CSNK1G2: variants seen among roughly 807,000 people sequenced by gnomAD.
CSNK1G2 encodes the protein casein kinase 1 gamma 2.
Under a neutral mutation model 48.0 loss-of-function variants are expected in CSNK1G2, and 11 were observed. The ratio of observed to expected loss-of-function variants is 0.23; its 90% CI spans 0.14 to 0.38. CSNK1G2 has a LOEUF of 0.38. Among genes scored for constraint, CSNK1G2 ranks in the 10% least tolerant of loss-of-function variants. The probability of loss-of-function intolerance (pLI) is 1.00; values close to 1 mark genes in which losing one functional copy is unlikely to be tolerated. For synonymous variants in CSNK1G2, 337 were observed against 254.1 expected, an observed-to-expected ratio of 1.33 and a Z score of -3.10; for missense variants, 446 against 595.5, an observed-to-expected ratio of 0.75 and a Z score of 2.61.
At chr19:1,951,770 T>C (rs1383467451) in intron 1 of CSNK1G2, among the ~76,000 whole-genome samples, 2 of 146,156 alleles carry the variant, frequency 1.4e-5, no homozygotes, top group Non-Finnish European at 3.0e-5. Flanking sequence ...ACGCTCCGCC[T>C]CCCGGGTTCA....
intron 1 of CSNK1G2, among the ~76,000 whole-genome samples, chr19:1,949,904 T>G (rs1342905247): frequency 1.3e-5 from 2 of 152,212 alleles, no homozygotes; most frequent in Non-Finnish European, 1.5e-5. Flanking sequence ...GTGTCCCCAC[T>G]GCCTTGTCAG....
intron 2 of CSNK1G2, among the ~76,000 whole-genome samples, chr19:1,976,781 C>G (rs1343419321): frequency 6.6e-6 from 1 of 151,806 alleles, no homozygotes; most frequent in Non-Finnish European, 1.5e-5. Context: ...CTCTTGTTGC[C>G]CAGGCTGGAG....
chr19:1,944,444 C>T (rs1047783134), intron 1 of CSNK1G2, among the ~76,000 whole-genome samples: 1 of 152,142 alleles, frequency 6.6e-6, no homozygotes, highest in Non-Finnish European at 1.5e-5. Flanking sequence ...GCCTACCTGG[C>T]CTGCTTGGGT....
At position 1,978,942 on chromosome 19, in the gene CSNK1G2, G is replaced by T. The variant is rs753651278; in HGVS notation, c.531G>T (p.Gly177=). Residue 177 remains glycine (G), a synonymous_variant, in exon 6 of 12, where the codon GGG becomes GGT. Coordinates refer to ENST00000255641, the MANE Select transcript of CSNK1G2 (RefSeq NM_001319.7). This position sits in a 1 kb window ranked among gnomAD's most constrained non-coding sequence, Gnocchi z 7.3. ...AGAACTTCCTGGTGGGCCGCCCGGG[G>T]ACCAAGCGGCAGCATGCCATCCACA... is the stretch of plus-strand genomic sequence containing the variant. The part of the protein sequence containing the change: ...KPENFLVGRP[G]TKRQHAIHII... 1 of 1,601,660 alleles carries T rather than the reference G, an allele frequency of 6.2e-7. No homozygotes were observed. Among genetic ancestry groups the T allele is most frequent in the Non-Finnish European group, 8.5e-7 (1 of 1,179,634 alleles).
intron 1 of CSNK1G2, among the ~76,000 whole-genome samples, chr19:1,947,724 G>A (rs574349083): frequency 4.6e-5 from 7 of 152,350 alleles, no homozygotes; most frequent in African/African-American, 7.2e-5. Context: ...CAGGGCTTGC[G>A]ACCGCAGGGG....
chr19:1,979,449 C>G (rs1568207050), intron 8 of CSNK1G2, 46 bp downstream of exon 8: 2 of 702,894 alleles, frequency 2.8e-6, no homozygotes, highest in African/African-American at 1.8e-5. Context: ...ACCCCCCACC[C>G]CCCACCCCCA....
In CSNK1G2 at chr19:1,957,832, G is replaced by A. The variant is rs1190579771; in HGVS notation, c.-265-11676G>A. Among the ~76,000 whole-genome samples, 1 of 151,920 alleles carries A rather than the reference G, an allele frequency of 6.6e-6. No homozygotes were observed. The highest frequency in any genetic ancestry group is 1.5e-5 in the Non-Finnish European group (1 of 67,942). On this transcript the variant is annotated intron_variant, in intron 1 of 11. Coordinates refer to ENST00000255641, the MANE Select transcript of CSNK1G2 (RefSeq NM_001319.7). This position sits in a 1 kb window ranked among gnomAD's most constrained non-coding sequence, Gnocchi z 5.4. The stretch of plus-strand genomic sequence containing the variant: ...CGGCGGGCGCCGTGTTTGTGGGGTG[G>A]GAGCTAGGCGGGCGCCGTTTATGTG...
At position 1,978,812 on chromosome 19, in the gene CSNK1G2, C is replaced by G; in HGVS notation, c.448-47C>G. On this transcript the variant is annotated intron_variant, in intron 5 of 11. Coordinates refer to ENST00000255641, the MANE Select transcript of CSNK1G2 (RefSeq NM_001319.7). This position sits in a 1 kb window ranked among gnomAD's most constrained non-coding sequence, Gnocchi z 7.3. Reference sequence around the variant, plus strand: ...AAGAGGGTGGCCCTGGAGGGGAGCGCGTGGGACGGGGAGGGGCCCGGCCGA... The same window carrying G: ...AAGAGGGTGGCCCTGGAGGGGAGCGGGTGGGACGGGGAGGGGCCCGGCCGA... 3 of 1,585,040 alleles carry G rather than the reference C, an allele frequency of 1.9e-6. No individual in the cohort carries two copies. Among genetic ancestry groups the G allele is most frequent in the East Asian group, 2.3e-5 (1 of 44,058 alleles).
In CSNK1G2 at chr19:1,980,032, C is replaced by CGGTGCCTTCGGGGA; in HGVS notation, c.1193+20_1193+33dup. The CGGTGCCTTCGGGGA allele has an allele frequency of 8.2e-6, 13 of 1,579,118 alleles. No homozygotes were observed. Among genetic ancestry groups the CGGTGCCTTCGGGGA allele is most frequent in the Non-Finnish European group, 1.1e-5 (13 of 1,162,838 alleles). On this transcript the variant is annotated intron_variant, in intron 11 of 11. Transcript: ENST00000255641. ...GATGAAACCAAGTAAGGCTCTGGGG[C>CGGTGCCTTCGGGGA]GGTGCCTTCGGGGAGGTGGGGGTGC...
chr19:1,975,788 C>T (rs1474601157), intron 2 of CSNK1G2: 1 of 981,526 alleles, frequency 1.0e-6, no homozygotes, highest in African/African-American at 1.7e-5. Flanking sequence ...GTAATCCCAA[C>T]ACTTTGGGAG....
At chr19:1,973,892 A>G (rs1272750982) in intron 2 of CSNK1G2, among the ~76,000 whole-genome samples, 2 of 151,528 alleles carry the variant, frequency 1.3e-5, no homozygotes, top group East Asian at 3.9e-4. Flanking sequence ...TTTATTTATT[A>G]TTTATTATTT....
At chr19:1,979,698 G>A (rs2015906943) in intron 9 of CSNK1G2, 54 bp from the exon 10 acceptor site, 24 of 1,602,180 alleles carry the variant, frequency 1.5e-5, no homozygotes, top group Non-Finnish European at 2.0e-5. Flanking sequence ...CTGCCCTGAG[G>A]GAGATGGGAA....
At chr19:1,953,082 C>T in intron 1 of CSNK1G2, 2 of 403,616 alleles carry the variant, frequency 5.0e-6, no homozygotes, top group Non-Finnish European at 9.5e-6. Flanking sequence ...CATGGTTACG[C>T]TTCTGGAAGG....
chr19:1,954,169 G>C (rs1247773825), intron 1 of CSNK1G2: 1 of 412,040 alleles, frequency 2.4e-6, no homozygotes, highest in Admixed American at 2.9e-5. Context: ...AGGTTGGTTT[G>C]TCCTGGCCGC....
At chr19:1,973,748 C>T (rs569909021) in intron 2 of CSNK1G2, among the ~76,000 whole-genome samples, 12 of 152,324 alleles carry the variant, frequency 7.9e-5, no homozygotes, top group South Asian at 2.1e-4. Flanking sequence ...ATTGTCCATT[C>T]GCTCTCAGCT....
intron 1 of CSNK1G2, among the ~76,000 whole-genome samples, chr19:1,965,415 C>A (rs928676989): frequency 6.6e-6 from 1 of 151,712 alleles, no homozygotes; most frequent in African/African-American, 2.4e-5. Context: ...GTTTCCATCC[C>A]TGCTAGCACA....
intron 1 of CSNK1G2, chr19:1,953,495 C>A (rs191394637): frequency 3.7e-6 from 2 of 533,754 alleles, no homozygotes; most frequent in East Asian, 5.5e-5. Flanking sequence ...GCCTTGCCTC[C>A]GTTTGCATAA....
intron 2 of CSNK1G2, among the ~76,000 whole-genome samples, chr19:1,972,580 A>C (rs1360751854): frequency 6.6e-6 from 1 of 152,176 alleles, no homozygotes; most frequent in African/African-American, 2.4e-5. Flanking sequence ...AATGTGAGCC[A>C]TTATTTCATG....
intron 1 of CSNK1G2, among the ~76,000 whole-genome samples, chr19:1,948,539 A>C (rs2396363): frequency 1.5e-4 from 14 of 95,590 alleles, no homozygotes; most frequent in Admixed American, 3.3e-4. Context: ...AAAAAAAAAA[A>C]CGCAAAAAAA....
Sources: gnomAD v4.1 joint callset for allele counts (sites outside exome capture counted in the v4.1 genomes callset) on GRCh38, gnomAD v4.1.1 for gene constraint, Gnocchi (gnomAD v3.1) non-coding constraint, MANE v1.5 for transcripts, NCBI Gene and HGNC (gene_info 2026-07-23, HGNC 2026-07-21) for gene names.